MRC1: variants seen among roughly 807,000 people sequenced by gnomAD.
The protein encoded by MRC1 is macrophage mannose receptor 1.
Under a neutral mutation model 102.9 loss-of-function variants are expected in MRC1, and 62 were observed. The ratio of observed to expected loss-of-function variants is 0.60; its 90% CI spans 0.49 to 0.74. The LOEUF (loss-of-function observed/expected upper bound fraction) is 0.74. Among genes scored for constraint, MRC1 ranks in the 30% least tolerant of loss-of-function variants. The pLI is 0.00. For synonymous variants in MRC1, 457 were observed against 298.4 expected, an observed-to-expected ratio of 1.53 and a Z score of -5.48; for missense variants, 1,237 against 862.8, an observed-to-expected ratio of 1.43 and a Z score of -5.43.
At chr10:17,863,402 A>G in intron 10 of MRC1, 132 bp from the exon 11 acceptor site, 1 of 699,546 alleles carries the variant, frequency 1.4e-6, no homozygotes, top group Non-Finnish European at 2.6e-6. Flanking sequence ...TACAAATATA[A>G]CACAATATAT....
intron 22 of MRC1, among the ~76,000 whole-genome samples, chr10:17,888,855 GA>G (rs2130702494): frequency 6.6e-6 from 1 of 152,248 alleles, no homozygotes; most frequent in Non-Finnish European, 1.5e-5. Context: ...ATTTTTGATA[GA>G]AGAGTATTGA....
At chr10:17,906,324 C>A (rs1292775321) in intron 26 of MRC1, among the ~76,000 whole-genome samples, 2 of 146,988 alleles carry the variant, frequency 1.4e-5, no homozygotes, top group Non-Finnish European at 3.0e-5. Context: ...TGCCTGTGGA[C>A]CAGATTGGTG....
intron 18 of MRC1, among the ~76,000 whole-genome samples, chr10:17,878,736 C>T (rs1833471460): frequency 6.6e-6 from 1 of 152,030 alleles, no homozygotes; most frequent in East Asian, 1.9e-4. Flanking sequence ...GATCACAGCT[C>T]ACTACAGCCT....
chr10:17,870,116 T>C, intron 12 of MRC1, 130 bp from the exon 13 acceptor site: 1 of 670,882 alleles, frequency 1.5e-6, no homozygotes, highest in East Asian at 2.5e-5. Context: ...GCAAAAGAAT[T>C]ACATTGTTTT....
At chr10:17,856,790 A>C (rs966420200) in intron 9 of MRC1, among the ~76,000 whole-genome samples, 4 of 152,062 alleles carry the variant, frequency 2.6e-5, no homozygotes, top group African/African-American at 9.6e-5. Context: ...ATCCTTAGTC[A>C]TTTTTTTCCC....
chr10:17,904,504 G>A (rs1000128497), intron 26 of MRC1, among the ~76,000 whole-genome samples: 5 of 152,160 alleles, frequency 3.3e-5, no homozygotes, highest in African/African-American at 9.7e-5. Context: ...TGTACATGAT[G>A]AGACCCTTCT....
chr10:17,835,350 A>G (rs1472877773), intron 4 of MRC1, among the ~76,000 whole-genome samples: 1 of 152,202 alleles, frequency 6.6e-6, no homozygotes, highest in African/African-American at 2.4e-5. Flanking sequence ...ATTCATTCCC[A>G]AGATATCTTG....
chr10:17,907,994 C>A (rs971581277), intron 28 of MRC1, among the ~76,000 whole-genome samples: 2 of 152,160 alleles, frequency 1.3e-5, no homozygotes, highest in Non-Finnish European at 2.9e-5. Context: ...TCTACAAAGC[C>A]TTATTGCATG....
At chr10:17,848,116 A>G (rs1295583074) in intron 6 of MRC1, among the ~76,000 whole-genome samples, 6 of 152,152 alleles carry the variant, frequency 3.9e-5, no homozygotes, top group Non-Finnish European at 8.8e-5. Context: ...CTCCACCTTT[A>G]AGGGAAGATA....
chr10:17,901,872 A>G, intron 25 of MRC1, 101 bp from the exon 26 acceptor site: 1 of 768,614 alleles, frequency 1.3e-6, no homozygotes, highest in East Asian at 2.4e-5. Flanking sequence ...GATTTTTTAA[A>G]ATAATGATCA....
chr10:17,872,041 T>C lies in MRC1; in HGVS notation c.2259T>C (p.Cys753=). 1 of 780,744 alleles carries C rather than the reference T, an allele frequency of 1.3e-6. No homozygotes were observed. 48.4% of individuals were successfully genotyped at this position (780,744 alleles called of 1,614,324 possible). ...EPNNYQNVEY[C]GELKGDPTMS... ...ATAATTATCAAAATGTTGAATACTGTGGTGAGCTGAAAGGTGACCCTACTA... is the reference window on the plus strand; with the variant it reads ...ATAATTATCAAAATGTTGAATACTGCGGTGAGCTGAAAGGTGACCCTACTA... Residue 753 remains cysteine (C), a synonymous_variant, in exon 15 of 30, where the codon TGT becomes TGC. Transcript: ENST00000569591.
In MRC1 at chr10:17,879,732, G is replaced by A. The variant is rs1833487385; in HGVS notation, c.2630G>A (p.Gly877Glu). The A allele has an allele frequency of 2.6e-6, 2 of 780,716 alleles. No individual in the cohort carries two copies. The highest frequency in any genetic ancestry group is 2.4e-6 in the Non-Finnish European group (1 of 417,968). The allele number at this position is 780,716 out of a possible 1,614,324, so 48.4% of individuals were successfully genotyped here. ...SLDKKFAWMDGSKVDYVSWAT... is the reference protein window; with the variant it reads ...SLDKKFAWMDESKVDYVSWAT... ...ATTTTCTTTTCCAGTTGGATGGATG[G>A]AAGCAAAGTGGATTACGTGTCTTGG... The change falls in exon 19 of 30, where the codon GGA becomes GAA. Residue 877 changes from glycine to glutamate, a missense_variant. Gly to Glu is a moderately conservative substitution (Grantham distance 98, BLOSUM62 -2). Transcript: ENST00000569591.
At chr10:17,900,695 G>C in intron 24 of MRC1, 93 bp from the exon 25 acceptor site, 1 of 775,780 alleles carries the variant, frequency 1.3e-6, no homozygotes, top group Non-Finnish European at 2.4e-6. Flanking sequence ...TCAAATCATG[G>C]TCTTAAATAT....
In MRC1 at chr10:17,862,353, A is replaced by G. The variant is rs1188155611; in HGVS notation, c.1634+851A>G. Among the ~76,000 whole-genome samples, 12 of 152,270 alleles carry G rather than the reference A, an allele frequency of 7.9e-5. No individual in the cohort carries two copies. The East Asian group carries it at 2.3e-3, about 29-fold the overall frequency. On this transcript the variant is annotated intron_variant, in intron 10 of 29. Coordinates refer to ENST00000569591, the MANE Select transcript of MRC1 (RefSeq NM_002438.4). The stretch of plus-strand genomic sequence containing the variant: ...ATATATGGTAGTAGCACCCTAATAC[A>G]ATGCTAACATCTGAAACTCAGAACG...
At chr10:17,853,767 A>AC in intron 8 of MRC1, among the ~76,000 whole-genome samples, 1 of 152,086 alleles carries the variant, frequency 6.6e-6, no homozygotes, top group Non-Finnish European at 1.5e-5. Context: ...TGTCATATGA[A>AC]ATGATTGCTT....
rs903899179 is a variant in MRC1 at position 17,885,278 on chromosome 10, C to T, written c.2990C>T (p.Thr997Ile). ...TGAAATTTTCTTTCAGCATTTCTTACCTATCACATGAAGGACTCCACTTTC... is the reference window on the plus strand; with the variant it reads ...TGAAATTTTCTTTCAGCATTTCTTATCTATCACATGAAGGACTCCACTTTC... ...IQNEKEQAFL[T>I]YHMKDSTFSA... Residue 997 changes from threonine (T) to isoleucine (I), a missense_variant, in exon 22 of 30, where the codon ACC (threonine) becomes ATC (isoleucine). Coordinates refer to ENST00000569591, the MANE Select transcript of MRC1 (RefSeq NM_002438.4). 8.8e-5 allele frequency: 69 copies of T among 780,670 alleles called. No individual in the cohort carries two copies. The African/African-American group carries it at 1.1e-3, about 12-fold the overall frequency. The allele number at this position is 780,670 out of a possible 1,614,324, so 48.4% of individuals were successfully genotyped here. A position where few individuals can be genotyped will look rare whatever the true frequency, so the allele number is the denominator to read the frequency against.
At chr10:17,877,220 G>A (rs1833448823) in intron 17 of MRC1, among the ~76,000 whole-genome samples, 1 of 147,454 alleles carries the variant, frequency 6.8e-6, no homozygotes, top group Non-Finnish European at 1.5e-5. Flanking sequence ...TATCCTCCTG[G>A]CTCATACACA....
intron 23 of MRC1, among the ~76,000 whole-genome samples, chr10:17,894,555 A>G (rs1833728418): frequency 6.6e-6 from 1 of 150,602 alleles, no homozygotes. Context: ...ACACACCACC[A>G]CGCCTGGCTA....
intron 3 of MRC1, among the ~76,000 whole-genome samples, 167 bp downstream of exon 3, chr10:17,827,882 G>A (rs1838505166): frequency 6.6e-6 from 1 of 152,082 alleles, no homozygotes; most frequent in African/African-American, 2.4e-5. Flanking sequence ...TTTTCCAATG[G>A]AGAAAATGAT....
Sources: gnomAD v4.1 joint callset for allele counts (sites outside exome capture counted in the v4.1 genomes callset) on GRCh38, gnomAD v4.1.1 for gene constraint, MANE v1.5 for transcripts, NCBI Gene and HGNC (gene_info 2026-07-23, HGNC 2026-07-21) for gene names.